Variants in DOK6 observed in about 807,000 individuals in gnomAD.
DOK6 encodes the protein docking protein 6.
DOK6 carries 22 observed loss-of-function variants against 44.0 expected under a neutral mutation model. That is an observed-to-expected ratio of 0.50 (90% CI 0.36 to 0.71). The LOEUF (loss-of-function observed/expected upper bound fraction) is 0.71, where lower values mean the gene tolerates loss of function less well. Among genes scored for constraint, DOK6 ranks in the 30% least tolerant of loss-of-function variants. DOK6 has a pLI of 0.00. For missense variants in DOK6, 340 were observed against 416.4 expected, an observed-to-expected ratio of 0.82 and a Z score of 1.60; for synonymous variants, 166 against 145.5, an observed-to-expected ratio of 1.14 and a Z score of -1.01.
intron 7 of DOK6, among the ~76,000 whole-genome samples, chr18:69,780,648 A>G (rs1171447744): frequency 6.6e-6 from 1 of 152,198 alleles, no homozygotes; most frequent in Admixed American, 6.5e-5. Context: ...TTTCAGTAAT[A>G]TAGTATATAA....
chr18:69,569,758 G>A (rs928121128), intron 2 of DOK6, among the ~76,000 whole-genome samples: 3 of 152,016 alleles, frequency 2.0e-5, no homozygotes, highest in African/African-American at 4.8e-5. Flanking sequence ...AAAGGCACAT[G>A]CACATATATG....
chr18:69,610,891 C>G (rs1250394887), intron 3 of DOK6, among the ~76,000 whole-genome samples: 1 of 151,898 alleles, frequency 6.6e-6, no homozygotes, highest in East Asian at 1.9e-4. Context: ...AGAAGGGGTT[C>G]CTTAAACCAA....
At chr18:69,573,812 G>GT (rs1983175693) in intron 2 of DOK6, among the ~76,000 whole-genome samples, 1 of 151,658 alleles carries the variant, frequency 6.6e-6, no homozygotes, top group Non-Finnish European at 1.5e-5. Flanking sequence ...CGTACATCTG[G>GT]TTTTCTTCAA....
chr18:69,410,641 A>T (rs1045191593), intron 1 of DOK6, among the ~76,000 whole-genome samples: 1 of 152,218 alleles, frequency 6.6e-6, no homozygotes, highest in Admixed American at 6.5e-5. Flanking sequence ...ACGTGAGTAA[A>T]TCCTTTCTGA....
chr18:69,672,334 G>C (rs1985816956), intron 3 of DOK6, among the ~76,000 whole-genome samples: 1 of 152,016 alleles, frequency 6.6e-6, no homozygotes. Context: ...CAAGCATTTA[G>C]GTGGTTTTGT....
At chr18:69,697,442 A>G (rs1329543298) in intron 4 of DOK6, among the ~76,000 whole-genome samples, 2 of 152,110 alleles carry the variant, frequency 1.3e-5, no homozygotes, top group African/African-American at 4.8e-5. Flanking sequence ...TAATTCTTCA[A>G]TTCTTGCATC....
intron 1 of DOK6, among the ~76,000 whole-genome samples, chr18:69,561,169 G>A (rs563941276): frequency 1.5e-4 from 23 of 152,192 alleles, no homozygotes; most frequent in African/African-American, 4.6e-4. Flanking sequence ...TAAATCCTCC[G>A]TCTGTTTCTT....
intron 3 of DOK6, among the ~76,000 whole-genome samples, chr18:69,644,217 T>C (rs942110558): frequency 6.6e-6 from 1 of 152,178 alleles, no homozygotes; most frequent in African/African-American, 2.4e-5. Context: ...ATTTTCTGTT[T>C]TCATCCTTTT....
At chr18:69,784,043 C>T (rs2145091994) in intron 7 of DOK6, among the ~76,000 whole-genome samples, 1 of 152,122 alleles carries the variant, frequency 6.6e-6, no homozygotes, top group Admixed American at 6.5e-5. Context: ...AAAAATTAGC[C>T]AAGTGTGGCA....
At chr18:69,493,077 A>G (rs956996105) in intron 1 of DOK6, among the ~76,000 whole-genome samples, 9 of 152,160 alleles carry the variant, frequency 5.9e-5, no homozygotes, top group Admixed American at 5.2e-4. Flanking sequence ...ATGTCATTGT[A>G]TGACAGTCAC....
intron 5 of DOK6, among the ~76,000 whole-genome samples, chr18:69,738,499 T>C (rs963955886): frequency 6.6e-6 from 1 of 152,226 alleles, no homozygotes; most frequent in Non-Finnish European, 1.5e-5. Flanking sequence ...AAAGTAATTC[T>C]AATTAGATAG....
At chr18:69,733,780 C>T (rs968693375) in intron 5 of DOK6, among the ~76,000 whole-genome samples, 16 of 152,060 alleles carry the variant, frequency 1.1e-4, no homozygotes, top group African/African-American at 3.9e-4. Context: ...AACCCTAAAA[C>T]CCTGTAACTT....
intron 2 of DOK6, among the ~76,000 whole-genome samples, chr18:69,597,236 TAA>T (rs1483455222): frequency 6.6e-6 from 1 of 152,174 alleles, no homozygotes; most frequent in Non-Finnish European, 1.5e-5. Flanking sequence ...TCTGATATGT[TAA>T]AATATTTATG....
chr18:69,402,199 G>T (rs560342806), intron 1 of DOK6, among the ~76,000 whole-genome samples: 1 of 152,160 alleles, frequency 6.6e-6, no homozygotes, highest in South Asian at 2.1e-4. Context: ...ACCCCGGCTG[G>T]CTGGTCCAGA....
chr18:69,456,573 C>T (rs1911268324), intron 1 of DOK6, among the ~76,000 whole-genome samples: 1 of 151,992 alleles, frequency 6.6e-6, no homozygotes, highest in Non-Finnish European at 1.5e-5. Context: ...AAATTGAGTC[C>T]ATGTCTTTGC....
At chr18:69,447,429 C>T (rs1200384948) in intron 1 of DOK6, among the ~76,000 whole-genome samples, 2 of 152,062 alleles carry the variant, frequency 1.3e-5, no homozygotes, top group Non-Finnish European at 2.9e-5. Flanking sequence ...TGTTTTGGTA[C>T]CAGTACCATG....
At chr18:69,587,741 A>G (rs573217993) in intron 2 of DOK6, among the ~76,000 whole-genome samples, 1 of 149,146 alleles carries the variant, frequency 6.7e-6, no homozygotes, top group East Asian at 2.0e-4. Flanking sequence ...TTTTGGAGTC[A>G]GTGGAGCATG....
chr18:69,519,668 A>C (rs1981633540), intron 1 of DOK6, among the ~76,000 whole-genome samples: 1 of 151,956 alleles, frequency 6.6e-6, no homozygotes, highest in Non-Finnish European at 1.5e-5. Context: ...GTGGAGACTA[A>C]AATGCATTAT....
In DOK6 at chr18:69,591,456, A is replaced by C. The variant is rs184880248; in HGVS notation, c.175-7928A>C. On this transcript the variant is annotated intron_variant, in intron 2 of 7. Transcript: ENST00000382713. ...AAAAATGAACTAAGGGAGTCTTATC[A>C]AGGAAAACAACTGAGTGCTTACTGA... Among the ~76,000 whole-genome samples, 318 of 152,260 alleles carry C rather than the reference A, an allele frequency of 2.1e-3. 1 individual carries two copies. Among genetic ancestry groups the C allele is most frequent in the Middle Eastern group, 0.01 (3 of 294 alleles).
Sources: gnomAD v4.1 joint callset for allele counts (sites outside exome capture counted in the v4.1 genomes callset) on GRCh38, gnomAD v4.1.1 for gene constraint, MANE v1.5 for transcripts, NCBI Gene and HGNC (gene_info 2026-07-23, HGNC 2026-07-21) for gene names.